MACROD2: variants seen among roughly 807,000 people sequenced by gnomAD.
The protein encoded by MACROD2 is ADP-ribose glycohydrolase MACROD2.
Under a neutral mutation model 70.4 loss-of-function variants are expected in MACROD2, and 36 were observed. The observed-to-expected ratio is 0.51, with a 90% confidence interval of 0.39 to 0.68. The LOEUF (loss-of-function observed/expected upper bound fraction) is 0.68, where lower values mean the gene tolerates loss of function less well. Among genes scored for constraint, MACROD2 ranks in the 30% least tolerant of loss-of-function variants. MACROD2 has a pLI of 0.00. For missense variants in MACROD2, 496 were observed against 538.4 expected, an observed-to-expected ratio of 0.92 and a Z score of 0.78; for synonymous variants, 172 against 178.8, an observed-to-expected ratio of 0.96 and a Z score of 0.30.
At chr20:15,137,100 C>T (rs1341605808) in intron 5 of MACROD2, among the ~76,000 whole-genome samples, 1 of 147,256 alleles carries the variant, frequency 6.8e-6, no homozygotes, top group African/African-American at 2.5e-5. Flanking sequence ...AACACTTTTA[C>T]ACTGTTGGTG....
chr20:15,352,594 T>C (rs1181192465), intron 6 of MACROD2, among the ~76,000 whole-genome samples: 1 of 152,192 alleles, frequency 6.6e-6, no homozygotes, highest in African/African-American at 2.4e-5. Context: ...TTTTAAATAA[T>C]ACATTGCATT....
At chr20:16,009,962 G>T (rs768875498) in intron 15 of MACROD2, among the ~76,000 whole-genome samples, 6 of 152,058 alleles carry the variant, frequency 3.9e-5, no homozygotes, top group Non-Finnish European at 5.9e-5. Flanking sequence ...AAATTGCTGG[G>T]AGAGACAGTG....
intron 5 of MACROD2, among the ~76,000 whole-genome samples, chr20:15,125,963 T>TCTTTTTTTTTTTTTTGAG (rs2076063238): frequency 1.3e-5 from 2 of 148,178 alleles, no homozygotes; most frequent in Non-Finnish European, 3.0e-5. Flanking sequence ...CTGTTTTCTT[T>TCTTTTTTTTTTTTTTGAG]AACTTAATGT....
chr20:15,379,181 C>T (rs1317155516), intron 6 of MACROD2, among the ~76,000 whole-genome samples: 1 of 152,056 alleles, frequency 6.6e-6, no homozygotes, highest in Non-Finnish European at 1.5e-5. Context: ...TACAAATAAG[C>T]TATAGTTGCT....
At chr20:14,910,662 A>G (rs2074015377) in intron 5 of MACROD2, among the ~76,000 whole-genome samples, 1 of 152,126 alleles carries the variant, frequency 6.6e-6, no homozygotes, top group Non-Finnish European at 1.5e-5. Context: ...CACTCTCATT[A>G]TGGGTCAGAG....
chr20:15,110,752 C>T (rs1273030932), intron 5 of MACROD2, among the ~76,000 whole-genome samples: 2 of 152,138 alleles, frequency 1.3e-5, no homozygotes, highest in East Asian at 3.9e-4. Flanking sequence ...AGAGGAGAGG[C>T]CTCCATCAAC....
chr20:15,296,069 T>C (rs1263674525), intron 6 of MACROD2, among the ~76,000 whole-genome samples: 1 of 152,202 alleles, frequency 6.6e-6, no homozygotes, highest in Non-Finnish European at 1.5e-5. Flanking sequence ...CATATTTTCA[T>C]ACTTTCTCTA....
rs1368579897 is a variant in MACROD2, at chr20:15,499,883, T to A, written c.645+36T>A. On this transcript the variant is annotated intron_variant, in intron 8 of 17. Coordinates refer to ENST00000684519, the MANE Select transcript of MACROD2 (RefSeq NM_001351661.2). ...CGACATAATCAGTGAACATCCAAGA[T>A]GATGTAATTTGATGCTCAGTTCCCC... 4 of 1,575,552 alleles carry A rather than the reference T, an allele frequency of 2.5e-6. No individual in the cohort carries two copies. The Admixed American group carries it at 6.7e-5, about 26-fold the overall frequency.
intron 5 of MACROD2, among the ~76,000 whole-genome samples, chr20:15,162,766 T>A (rs1750318278): frequency 6.6e-6 from 1 of 152,066 alleles, no homozygotes; most frequent in Admixed American, 6.6e-5. Flanking sequence ...GATTTCAGAT[T>A]AACAAAAACT....
chr20:14,067,680 AT>A (rs1440892441), intron 2 of MACROD2, among the ~76,000 whole-genome samples: 3 of 152,192 alleles, frequency 2.0e-5, no homozygotes, highest in Non-Finnish European at 4.4e-5. Flanking sequence ...TAAAATGCAC[AT>A]TTTTAATGCC....
At chr20:15,006,181 G>A (rs1302082653) in intron 5 of MACROD2, among the ~76,000 whole-genome samples, 3 of 150,060 alleles carry the variant, frequency 2.0e-5, no homozygotes, top group East Asian at 3.9e-4. Flanking sequence ...GTGTGTGTGT[G>A]TACGTTGGAA....
chr20:15,061,488 G>C (rs2075532633), intron 5 of MACROD2, among the ~76,000 whole-genome samples: 1 of 152,106 alleles, frequency 6.6e-6, no homozygotes, highest in Admixed American at 6.5e-5. Flanking sequence ...AATGCACCCT[G>C]TTTTAGCTGC....
rs115137425 is a variant in MACROD2, at chr20:15,348,727, G to A, written c.541-82678G>A. On this transcript the variant is annotated intron_variant, in intron 6 of 17. Transcript: ENST00000684519. ...CCCTTTTATAAAACCATAAGATCTC[G>A]TGAGACTTATTCATTATCACGAGAA... Among the ~76,000 whole-genome samples, 452 of 152,162 alleles carry A rather than the reference G, an allele frequency of 3.0e-3. 1 individual carries two copies. Among genetic ancestry groups the A allele is most frequent in the African/African-American group, 9.7e-3 (404 of 41,502 alleles).
chr20:15,214,126 T>C (rs1451262491), intron 5 of MACROD2, among the ~76,000 whole-genome samples: 2 of 152,130 alleles, frequency 1.3e-5, no homozygotes, highest in African/African-American at 4.8e-5. Flanking sequence ...CTTTTTCCTA[T>C]CTGAAGAAGT....
chr20:15,710,679 C>G (rs1024108324), intron 8 of MACROD2, among the ~76,000 whole-genome samples: 7 of 152,120 alleles, frequency 4.6e-5, no homozygotes, highest in African/African-American at 1.7e-4. Context: ...GTTTTACACA[C>G]AAAACATTTT....
At chr20:15,909,586 G>A (rs1288625848) in intron 10 of MACROD2, among the ~76,000 whole-genome samples, 3 of 144,184 alleles carry the variant, frequency 2.1e-5, no homozygotes, top group African/African-American at 5.2e-5. Flanking sequence ...TGCAGTGGCG[G>A]GATCTCGGCT....
At chr20:14,475,568 C>CA (rs1046167986) in intron 3 of MACROD2, among the ~76,000 whole-genome samples, 10 of 151,574 alleles carry the variant, frequency 6.6e-5, no homozygotes, top group African/African-American at 2.2e-4. Flanking sequence ...CTCCCTTTAG[C>CA]ATTTTTTTTT....
chr20:15,984,946 T>C (rs1406633166), intron 13 of MACROD2, among the ~76,000 whole-genome samples: 7 of 152,136 alleles, frequency 4.6e-5, no homozygotes, highest in Admixed American at 6.6e-5. Flanking sequence ...GGTCTAAAAC[T>C]AGCTGTAACT....
At chr20:14,468,170 A>T (rs1447509075) in intron 3 of MACROD2, among the ~76,000 whole-genome samples, 1 of 151,676 alleles carries the variant, frequency 6.6e-6, no homozygotes, top group East Asian at 1.9e-4. Context: ...ATCCTTTTTA[A>T]TTTCCTGTCT....
Sources: gnomAD v4.1 joint callset for allele counts (sites outside exome capture counted in the v4.1 genomes callset) on GRCh38, gnomAD v4.1.1 for gene constraint, MANE v1.5 for transcripts, NCBI Gene and HGNC (gene_info 2026-07-23, HGNC 2026-07-21) for gene names.